The following SFMBT1 variants were observed in gnomAD, a reference collection of about 807,000 sequenced individuals.
SFMBT1 encodes Scm like with four mbt domains 1.
A neutral mutation model predicts 108.7 loss-of-function variants in SFMBT1; 32 were observed. The ratio of observed to expected loss-of-function variants is 0.29; its 90% CI spans 0.22 to 0.40. The LOEUF is 0.40. SFMBT1 is among the 10% of genes least tolerant of loss of function. The pLI is 1.00. For missense variants in SFMBT1, 816 were observed against 1,059.6 expected, an observed-to-expected ratio of 0.77 and a Z score of 3.19; for synonymous variants, 348 against 369.5, an observed-to-expected ratio of 0.94 and a Z score of 0.67.
At chr3:52,929,434 T>C (rs1038373308) in intron 8 of SFMBT1, among the ~76,000 whole-genome samples, 1 of 152,160 alleles carries the variant, frequency 6.6e-6, no homozygotes, top group Admixed American at 6.5e-5. Context: ...AGATGGGGTT[T>C]CTCCATGTTG....
chr3:52,983,696 G>C (rs1189423026), intron 1 of SFMBT1, among the ~76,000 whole-genome samples: 1 of 152,176 alleles, frequency 6.6e-6, no homozygotes, highest in African/African-American at 2.4e-5. Flanking sequence ...AAAACAAAAA[G>C]AGCAAAGTCT....
chr3:52,964,179 A>C (rs1012253206), intron 2 of SFMBT1, among the ~76,000 whole-genome samples: 2 of 152,218 alleles, frequency 1.3e-5, no homozygotes, highest in African/African-American at 4.8e-5. Flanking sequence ...TGTAAGTATC[A>C]ATGTAAAACC....
chr3:52,991,137 G>A (rs1705108651), intron 1 of SFMBT1, among the ~76,000 whole-genome samples: 1 of 152,056 alleles, frequency 6.6e-6, no homozygotes, highest in Non-Finnish European at 1.5e-5. Context: ...ACTGAGGCTG[G>A]TGACTCTAAA....
intron 2 of SFMBT1, among the ~76,000 whole-genome samples, chr3:52,961,941 GAAGA>G (rs1703971780): frequency 6.6e-6 from 1 of 152,160 alleles, no homozygotes. Flanking sequence ...ACAATGCTGA[GAAGA>G]AACAAGACTA....
chr3:52,905,001 C>T lies in SFMBT1; in HGVS notation c.*135G>A. 1 of 1,229,518 alleles carries T rather than the reference C, an allele frequency of 8.1e-7. No individual in the cohort carries two copies. Among genetic ancestry groups the T allele is most frequent in the Non-Finnish European group, 1.1e-6 (1 of 907,338 alleles). 76.2% of individuals were successfully genotyped at this position (1,229,518 alleles called of 1,614,324 possible). A position where few individuals can be genotyped will look rare whatever the true frequency, so the allele number is the denominator to read the frequency against. On this transcript the variant is annotated 3_prime_UTR_variant, in exon 21 of 21. Coordinates refer to ENST00000394752, the MANE Select transcript of SFMBT1 (RefSeq NM_016329.4). ...CTTCCTCACTGTGAGTCCTCCTTCCCCGAAAGTGCAAAGAGAGCAAGCTGA... is the reference window on the plus strand; with the variant it reads ...CTTCCTCACTGTGAGTCCTCCTTCCTCGAAAGTGCAAAGAGAGCAAGCTGA...
Position 52,926,100 on chromosome 3 carries a change from C to T in SFMBT1, c.1062G>A (p.Gln354=). The change falls in exon 10 of 21, where the codon CAG becomes CAA. Residue 354 remains glutamine (Q), a synonymous_variant. Coordinates refer to ENST00000394752, the MANE Select transcript of SFMBT1 (RefSeq NM_016329.4). ...TGAGGTAGTCAGCCCAGTCAAAGTCCTGGCTTGGGTAGCCTAGGTGGGGAC... is the reference window on the plus strand; with the variant it reads ...TGAGGTAGTCAGCCCAGTCAAAGTCTTGGCTTGGGTAGCCTAGGTGGGGAC... ...HISPPPGYPS[Q]DFDWADYLKQ... 1 of 1,604,626 alleles carries T rather than the reference C, an allele frequency of 6.2e-7. No individual in the cohort carries two copies. The highest frequency in any genetic ancestry group is 8.5e-7 in the Non-Finnish European group (1 of 1,176,284).
intron 1 of SFMBT1, among the ~76,000 whole-genome samples, chr3:53,032,494 G>A (rs1484632232): frequency 6.6e-6 from 1 of 152,206 alleles, no homozygotes; most frequent in Non-Finnish European, 1.5e-5. Context: ...GGCCACACAA[G>A]AAGTTTGGAT....
intron 3 of SFMBT1, among the ~76,000 whole-genome samples, chr3:52,944,359 CAGAT>C (rs1438199315): frequency 6.6e-6 from 1 of 151,970 alleles, no homozygotes; most frequent in Admixed American, 6.6e-5. Context: ...GACAGACAGG[CAGAT>C]AGATGGATGG....
intron 10 of SFMBT1, among the ~76,000 whole-genome samples, chr3:52,923,133 A>G (rs939926981): frequency 3.3e-5 from 5 of 152,232 alleles, no homozygotes; most frequent in Non-Finnish European, 5.9e-5. Context: ...TAAGAAGATG[A>G]AAGTTAGGAC....
In SFMBT1 at chr3:52,907,407, T is replaced by C. The variant is rs1364747772; in HGVS notation, c.2086-93A>G. 3.9e-6 allele frequency: 6 copies of C among 1,525,798 alleles called. No individual in the cohort carries two copies. The East Asian group carries it at 1.4e-4, about 35-fold the overall frequency. 94.5% of individuals were successfully genotyped at this position (1,525,798 alleles called of 1,614,324 possible). A position where few individuals can be genotyped will look rare whatever the true frequency, so the allele number is the denominator to read the frequency against. On this transcript the variant is annotated intron_variant, in intron 18 of 20. Coordinates refer to ENST00000394752, the MANE Select transcript of SFMBT1 (RefSeq NM_016329.4). ...AAAAATAATAAAGAAAGAAAAGAAATTCAGGACAAACCAGTTCTTGGGCCA... is the reference window on the plus strand; with the variant it reads ...AAAAATAATAAAGAAAGAAAAGAAACTCAGGACAAACCAGTTCTTGGGCCA...
intron 19 of SFMBT1, 90 bp from the exon 20 acceptor site, chr3:52,906,331 G>T: frequency 6.3e-7 from 1 of 1,592,482 alleles, no homozygotes; most frequent in Non-Finnish European, 8.6e-7. Flanking sequence ...AATCTTTCAA[G>T]ACATGATTTA....
intron 1 of SFMBT1, among the ~76,000 whole-genome samples, chr3:53,038,097 T>C (rs1442663597): frequency 6.6e-6 from 1 of 151,136 alleles, no homozygotes; most frequent in African/African-American, 2.4e-5. Context: ...AGAGCAAAAC[T>C]TTGTCTCAAA....
intron 2 of SFMBT1, among the ~76,000 whole-genome samples, chr3:52,968,473 C>A (rs1249209623): frequency 6.6e-6 from 1 of 152,012 alleles, no homozygotes; most frequent in Non-Finnish European, 1.5e-5. Context: ...GTGAAAGGAA[C>A]ATGAAATATG....
At chr3:52,953,629 T>C (rs9311485) in intron 3 of SFMBT1, among the ~76,000 whole-genome samples, 1 of 151,976 alleles carries the variant, frequency 6.6e-6, no homozygotes, top group Non-Finnish European at 1.5e-5. Flanking sequence ...GTCATACTTA[T>C]GTTCTGCTCA....
intron 17 of SFMBT1, among the ~76,000 whole-genome samples, chr3:52,908,234 C>T (rs540313807): frequency 1.1e-3 from 166 of 151,804 alleles, no homozygotes; most frequent in Middle Eastern, 3.4e-3. Flanking sequence ...CCACCATGCC[C>T]GGCTAATTTT....
chr3:53,014,534 C>T (rs1699063824), intron 1 of SFMBT1, among the ~76,000 whole-genome samples: 1 of 151,982 alleles, frequency 6.6e-6, no homozygotes, highest in Non-Finnish European at 1.5e-5. Flanking sequence ...TTTCTAGAAC[C>T]ACCACCCAAT....
intron 3 of SFMBT1, among the ~76,000 whole-genome samples, chr3:52,944,090 C>T (rs570397981): frequency 2.0e-5 from 3 of 152,298 alleles, no homozygotes; most frequent in Admixed American, 6.5e-5. Flanking sequence ...TTAATAACAT[C>T]CCCCCTTTCC....
chr3:52,928,391 T>G (rs1702725301), intron 8 of SFMBT1, 50 bp from the exon 9 acceptor site: 10 of 1,582,028 alleles, frequency 6.3e-6, no homozygotes, highest in Non-Finnish European at 8.6e-6. Flanking sequence ...CATATATATG[T>G]GCTTTCTCCT....
In SFMBT1 at chr3:52,947,363, C is replaced by T. The variant is rs191491519; in HGVS notation, c.124-3770G>A. Among the ~76,000 whole-genome samples, 346 of 148,410 alleles carry T rather than the reference C, an allele frequency of 2.3e-3. 1 individual carries two copies. Among genetic ancestry groups the T allele is most frequent in the East Asian group, 9.7e-3 (47 of 4,854 alleles). ...CGATCTCCTGACCTTGTGATCCGCC[C>T]GCCTCGGCCTCCCAAAGTGCTGGGA... On this transcript the variant is annotated intron_variant, in intron 3 of 20. Transcript: ENST00000394752.
Sources: gnomAD v4.1 joint callset for allele counts (sites outside exome capture counted in the v4.1 genomes callset) on GRCh38, gnomAD v4.1.1 for gene constraint, MANE v1.5 for transcripts, NCBI Gene and HGNC (gene_info 2026-07-23, HGNC 2026-07-21) for gene names.